The following DCHS2 variants were observed in gnomAD, a reference collection of about 807,000 sequenced individuals.
The protein encoded by DCHS2 is protocadherin-23.
DCHS2 carries 142 observed loss-of-function variants against 182.4 expected under a neutral mutation model. The ratio of observed to expected loss-of-function variants is 0.78; its 90% CI spans 0.68 to 0.89. The LOEUF is 0.89. Among genes scored for constraint, DCHS2 ranks in the 40% least tolerant of loss-of-function variants. DCHS2 has a pLI of 0.00. For missense variants in DCHS2, 4,319 were observed against 4,198.6 expected (o/e 1.03, Z -0.79); for synonymous variants, 1,740 against 1,663.3 (o/e 1.05, Z -1.12).
chr4:154,275,126 C>T (rs1252165522), intron 13 of DCHS2, among the ~76,000 whole-genome samples: 2 of 151,728 alleles, frequency 1.3e-5, no homozygotes, highest in Non-Finnish European at 2.9e-5. Flanking sequence ...AGTAGTTTTC[C>T]TTAGAAGCCT....
At chr4:154,241,645 C>T (rs2111106682) in intron 17 of DCHS2, among the ~76,000 whole-genome samples, 1 of 152,218 alleles carries the variant, frequency 6.6e-6, no homozygotes, top group South Asian at 2.1e-4. Flanking sequence ...CAATGTGCAC[C>T]AACCACACCG....
chr4:154,483,401 C>T (rs921769967), intron 1 of DCHS2, among the ~76,000 whole-genome samples: 2 of 152,092 alleles, frequency 1.3e-5, no homozygotes, highest in Non-Finnish European at 1.5e-5. Flanking sequence ...CTAAGTGATT[C>T]CAGATTACAG....
At chr4:154,446,537 T>A (rs1356044754) in intron 1 of DCHS2, among the ~76,000 whole-genome samples, 2 of 152,074 alleles carry the variant, frequency 1.3e-5, no homozygotes, top group Admixed American at 6.6e-5. Context: ...AGGAGGTGGG[T>A]CCTATTATCA....
chr4:154,254,693 C>T (rs1373857889), intron 16 of DCHS2, among the ~76,000 whole-genome samples: 1 of 152,098 alleles, frequency 6.6e-6, no homozygotes, highest in African/African-American at 2.4e-5. Context: ...AAAAATTAAC[C>T]ACGCATGGTG....
intron 2 of DCHS2, 140 bp downstream of exon 2, chr4:154,377,113 A>C (rs573338836): frequency 1.3e-6 from 1 of 773,124 alleles, no homozygotes; most frequent in East Asian, 2.7e-5. Flanking sequence ...ATTTGCTTCA[A>C]AAAACTTCAG....
chr4:154,371,090 G>A (rs1391905227), intron 2 of DCHS2, among the ~76,000 whole-genome samples: 4 of 152,088 alleles, frequency 2.6e-5, no homozygotes, highest in Non-Finnish European at 5.9e-5. Flanking sequence ...AGGGTGCTGG[G>A]TTGTTCAGCA....
intron 1 of DCHS2, among the ~76,000 whole-genome samples, chr4:154,412,218 T>C (rs1038145671): frequency 6.6e-6 from 1 of 152,182 alleles, no homozygotes; most frequent in Non-Finnish European, 1.5e-5. Context: ...CTTGTCAACA[T>C]TGGGAATAAA....
intron 1 of DCHS2, among the ~76,000 whole-genome samples, chr4:154,419,768 C>T (rs1262539320): frequency 6.9e-6 from 1 of 144,778 alleles, no homozygotes; most frequent in Admixed American, 7.0e-5. Flanking sequence ...AGAAGGTTTC[C>T]AGGACAGAAA....
intron 10 of DCHS2, among the ~76,000 whole-genome samples, chr4:154,314,827 A>T (rs1735795835): frequency 6.9e-6 from 1 of 145,288 alleles, no homozygotes; most frequent in Non-Finnish European, 1.5e-5. Context: ...ATATTCATAT[A>T]ATATTCATAT....
Position 154,489,741 on chromosome 4 carries a change from A to G in DCHS2, c.1615T>C (p.Phe539Leu). The change falls in exon 1 of 20, where the codon TTC (phenylalanine) becomes CTC (leucine). Residue 539 changes from phenylalanine to leucine, a missense_variant. Coordinates refer to ENST00000357232, the MANE Select transcript of DCHS2 (RefSeq NM_001358235.2). ...VADLNDQPPL[F>L]SQQHYKASVS... ...GAGGCCTTGTAATGCTGTTGGCTGAAGAGAGGTGGTTGGTCATTGAGGTCA... is the reference window on the plus strand; with the variant it reads ...GAGGCCTTGTAATGCTGTTGGCTGAGGAGAGGTGGTTGGTCATTGAGGTCA... 6.4e-7 allele frequency: 1 copy of G among 1,551,632 alleles called. No homozygotes were observed. Among genetic ancestry groups the G allele is most frequent in the Non-Finnish European group, 8.7e-7 (1 of 1,146,956 alleles).
chr4:154,402,385 A>G (rs1331285560), intron 1 of DCHS2, among the ~76,000 whole-genome samples: 1 of 152,236 alleles, frequency 6.6e-6, no homozygotes, highest in Non-Finnish European at 1.5e-5. Flanking sequence ...AGATTTTAGA[A>G]TCAACTCACA....
chr4:154,434,031 C>A (rs1048379348), intron 1 of DCHS2, among the ~76,000 whole-genome samples: 5 of 152,164 alleles, frequency 3.3e-5, no homozygotes, highest in African/African-American at 1.2e-4. Flanking sequence ...ATAGTCAATC[C>A]AAATATCAGT....
chr4:154,472,330 A>T (rs961480370), intron 1 of DCHS2, among the ~76,000 whole-genome samples: 1 of 152,246 alleles, frequency 6.6e-6, no homozygotes, highest in Non-Finnish European at 1.5e-5. Flanking sequence ...TTTAAATCTC[A>T]TAATAATAAA....
At chr4:154,307,839 CTCACAGA>C (rs1319654228) in intron 10 of DCHS2, among the ~76,000 whole-genome samples, 1 of 152,168 alleles carries the variant, frequency 6.6e-6, no homozygotes, top group African/African-American at 2.4e-5. Flanking sequence ...CTGGCTTACT[CTCACAGA>C]TCACTTCCCT....
At position 154,235,218 on chromosome 4, in the gene DCHS2, A is replaced by G; in HGVS notation, c.9434T>C (p.Leu3145Pro). 6.2e-7 allele frequency: 1 copy of G among 1,614,036 alleles called. No individual in the cohort carries two copies. The highest frequency in any genetic ancestry group is 1.3e-5 in the African/African-American group (1 of 74,998). ...CACCATCACATCAGTTTCCCCAGAT[A>G]GGCAGGAGAGCTGGTCTGAGTCCCT... ...IPRDSDQLSC[L>P]SGETDVMVTA... Residue 3145 changes from leucine to proline, a missense_variant, in exon 20 of 20, where the codon CTA (leucine) becomes CCA (proline). Physicochemically the swap from Leu to Pro is moderately conservative, Grantham distance 98. Transcript: ENST00000357232.
intron 14 of DCHS2, chr4:154,262,220 G>A (rs1158160965): frequency 1.3e-5 from 2 of 152,150 alleles, no homozygotes; most frequent in African/African-American, 4.8e-5. Flanking sequence ...GGAATGGATC[G>A]ACGGTTCTAA....
At chr4:154,477,010 A>T (rs1270612320) in intron 1 of DCHS2, among the ~76,000 whole-genome samples, 1 of 152,204 alleles carries the variant, frequency 6.6e-6, no homozygotes, top group African/African-American at 2.4e-5. Flanking sequence ...CAAGGACAGC[A>T]TATTCAATGC....
At chr4:154,240,463 C>A in intron 18 of DCHS2, 74 bp downstream of exon 18, 1 of 1,523,776 alleles carries the variant, frequency 6.6e-7, no homozygotes, top group Non-Finnish European at 8.9e-7. Flanking sequence ...AGTCTATCGG[C>A]GATGGAAGAC....
intron 1 of DCHS2, among the ~76,000 whole-genome samples, chr4:154,395,244 G>A (rs532736981): frequency 5.3e-5 from 8 of 152,202 alleles, no homozygotes; most frequent in East Asian, 3.9e-4. Flanking sequence ...TTCATAAACC[G>A]TTTATTTAAA....
Sources: allele counts gnomAD v4.1 joint callset (sites outside exome capture counted in the v4.1 genomes callset), GRCh38; gene constraint gnomAD v4.1.1; transcripts MANE v1.5; gene names NCBI Gene and HGNC (gene_info 2026-07-23, HGNC 2026-07-21).